The following TTC34 variants were observed in gnomAD, a reference collection of about 807,000 sequenced individuals.
TTC34 encodes tetratricopeptide repeat protein 34.
Under a neutral mutation model 40.7 loss-of-function variants are expected in TTC34, and 44 were observed. That is an observed-to-expected ratio of 1.08 (90% CI 0.85 to 1.39). The LOEUF is 1.39. Ranked by LOEUF, TTC34 falls within the 40% of genes most tolerant of loss-of-function variation. The pLI is 0.00. For missense variants in TTC34, 884 were observed against 838.0 expected, an observed-to-expected ratio of 1.05 and a Z score of -0.68; for synonymous variants, 422 against 398.6, an observed-to-expected ratio of 1.06 and a Z score of -0.70.
intron 6 of TTC34, among the ~76,000 whole-genome samples, chr1:2,749,444 C>A (rs1354862551): frequency 0.016 from 1,093 of 68,724 alleles, no homozygotes; most frequent in Middle Eastern, 0.029. Context: ...GCACCGACAC[C>A]CCCAGGTGAG....
chr1:2,793,497 T>C (rs1357526656), intron 2 of TTC34, among the ~76,000 whole-genome samples: 3 of 152,232 alleles, frequency 2.0e-5, no homozygotes, highest in African/African-American at 7.2e-5. Context: ...TAATCAGATG[T>C]ATTAAATTTT....
chr1:2,641,348 T>TGGGAGAGGGTCAGGCCC, exon 9 of TTC34: 1 of 1,475,086 alleles, frequency 6.8e-7, no homozygotes. Flanking sequence ...TGATTAGGGC[T>TGGGAGAGGGTCAGGCCC]GGGAGAGGGT....
chr1:2,792,033 T>TTTTTTTTTTTTTTTTTAAAA (rs1553171534), intron 2 of TTC34, among the ~76,000 whole-genome samples: 1 of 107,104 alleles, frequency 9.3e-6, no homozygotes, highest in African/African-American at 4.0e-5. Flanking sequence ...TTTTTTTTTT[T>TTTTTTTTTTTTTTTTTAAAA]AAAGACAGGG....
chr1:2,685,754 C>A (rs1175319012), intron 6 of TTC34, among the ~76,000 whole-genome samples: 2 of 150,152 alleles, frequency 1.3e-5, no homozygotes, highest in East Asian at 2.0e-4. Context: ...GAGCAGAACC[C>A]ACACCCACAG....
intron 6 of TTC34, among the ~76,000 whole-genome samples, chr1:2,688,098 G>C (rs1315347234): frequency 6.6e-6 from 1 of 152,202 alleles, no homozygotes; most frequent in Admixed American, 6.5e-5. Context: ...CCCCAGGTGC[G>C]CACGTGACAG....
chr1:2,695,128 CTGA>C (rs1640802944), intron 6 of TTC34, among the ~76,000 whole-genome samples: 2 of 121,852 alleles, frequency 1.6e-5, no homozygotes, highest in Admixed American at 8.2e-5. Flanking sequence ...AGATGAGCAT[CTGA>C]CAGCGTGGAA....
intron 6 of TTC34, among the ~76,000 whole-genome samples, chr1:2,770,100 C>G (rs1161680615): frequency 1.2e-4 from 1 of 8,200 alleles, no homozygotes; most frequent in Non-Finnish European, 2.3e-4. Context: ...CAGCCTGGAA[C>G]AGAATTCTCA....
intron 6 of TTC34, among the ~76,000 whole-genome samples, chr1:2,772,725 AC>A (rs538737056): frequency 5.1e-4 from 15 of 29,352 alleles, no homozygotes; most frequent in Non-Finnish European, 5.3e-4. Flanking sequence ...CTGGAGCAGC[AC>A]CCCACACCCC....
At chr1:2,690,133 C>G (rs1445209549) in intron 6 of TTC34, among the ~76,000 whole-genome samples, 3 of 150,944 alleles carry the variant, frequency 2.0e-5, no homozygotes, top group Non-Finnish European at 4.4e-5. Flanking sequence ...GGAACAGCAC[C>G]CACACCCCAA....
intron 2 of TTC34, among the ~76,000 whole-genome samples, chr1:2,795,730 T>C (rs534793120): frequency 7.9e-4 from 120 of 152,322 alleles, no homozygotes; most frequent in African/African-American, 2.6e-3. Context: ...AAATTGGAAG[T>C]GGTCATCCCA....
chr1:2,645,567 C>T lies in TTC34; in HGVS notation c.2227-4G>A. The T allele has an allele frequency of 3.3e-6, 1 of 304,966 alleles. No individual in the cohort carries two copies. The highest frequency in any genetic ancestry group is 4.3e-6 in the Non-Finnish European group (1 of 234,402). The allele number at this position is 304,966 out of a possible 1,614,324, so 18.9% of individuals were successfully genotyped here. ...AGACGATGTCGTCCACGGCTTCCTG[C>T]AAGGAGGGAGGGCGGGCGGGTGCAG... On this transcript the variant is annotated splice_region_variant and splice_polypyrimidine_tract_variant and intron_variant, in intron 6 of 8. Coordinates refer to ENST00000401095, the Ensembl canonical transcript of TTC34. The surrounding 1 kb of genome is among the most constrained non-coding windows in gnomAD (Gnocchi z 4.7).
intron 6 of TTC34, among the ~76,000 whole-genome samples, chr1:2,683,975 C>G (rs371203673): frequency 3.0e-4 from 43 of 143,216 alleles, no homozygotes; most frequent in African/African-American, 1.2e-3. Context: ...CATCTGACAG[C>G]CTGGAGCAGC....
intron 6 of TTC34, among the ~76,000 whole-genome samples, chr1:2,683,473 C>T (rs1259679779): frequency 6.7e-6 from 1 of 150,152 alleles, no homozygotes; most frequent in East Asian, 1.9e-4. Context: ...GCACCCACAC[C>T]ACCAGGCGAG....
chr1:2,784,945 G>T (rs1037645736), intron 5 of TTC34, among the ~76,000 whole-genome samples: 27 of 108,766 alleles, frequency 2.5e-4, no homozygotes, highest in Admixed American at 2.7e-4. Flanking sequence ...ACGGACATGG[G>T]ACAACATGCC....
intron 6 of TTC34, among the ~76,000 whole-genome samples, chr1:2,751,768 C>G: frequency 6.8e-6 from 1 of 147,542 alleles, no homozygotes; most frequent in Non-Finnish European, 1.5e-5. Context: ...GCACCCCACA[C>G]CCACAGGTGA....
At chr1:2,686,688 G>C (rs1233994004) in intron 6 of TTC34, among the ~76,000 whole-genome samples, 1 of 150,998 alleles carries the variant, frequency 6.6e-6, no homozygotes, top group Non-Finnish European at 1.5e-5. Context: ...TGCACCCCCA[G>C]GTGCGCACGT....
At chr1:2,752,495 C>T (rs1641355571) in intron 6 of TTC34, among the ~76,000 whole-genome samples, 2 of 143,620 alleles carry the variant, frequency 1.4e-5, no homozygotes, top group African/African-American at 2.6e-5. Context: ...CCCACACAGC[C>T]AGGTGAGCAT....
intron 6 of TTC34, among the ~76,000 whole-genome samples, chr1:2,769,573 G>C (rs1403284634): frequency 8.4e-6 from 1 of 119,550 alleles, no homozygotes; most frequent in Admixed American, 9.3e-5. Context: ...CTGACATCCT[G>C]GAACAGCACC....
chr1:2,684,505 CGGCACCCACACCCCCAGGTG>C (rs1640228877), intron 6 of TTC34, among the ~76,000 whole-genome samples: 2 of 134,010 alleles, frequency 1.5e-5, no homozygotes, highest in Admixed American at 7.2e-5. Context: ...TGGCCTGGAA[CGGCACCCACACCCCCAGGTG>C]AGCATCCGAC....
Sources: allele counts gnomAD v4.1 joint callset (sites outside exome capture counted in the v4.1 genomes callset), GRCh38; gene constraint gnomAD v4.1.1; non-coding constraint Gnocchi (gnomAD v3.1); transcripts MANE v1.5; gene names NCBI Gene and HGNC (gene_info 2026-07-23, HGNC 2026-07-21).